The following LINGO2 variants were observed in gnomAD, a reference collection of about 807,000 sequenced individuals.
The protein encoded by LINGO2 is leucine-rich repeat and immunoglobulin-like domain-containing nogo receptor-interacting protein 2.
Under a neutral mutation model 30.6 loss-of-function variants are expected in LINGO2, and 14 were observed. That is an observed-to-expected ratio of 0.46 (90% CI 0.30 to 0.72). LINGO2 has a LOEUF of 0.72. Ranked by LOEUF, LINGO2 falls within the 30% of genes least tolerant of loss-of-function variation. The probability of loss-of-function intolerance (pLI) is 0.07; values close to 1 mark genes in which losing one functional copy is unlikely to be tolerated. For synonymous variants in LINGO2, 317 were observed against 288.5 expected, an observed-to-expected ratio of 1.10 and a Z score of -1.00; for missense variants, 729 against 751.7, an observed-to-expected ratio of 0.97 and a Z score of 0.35.
At chr9:27,940,822 TA>T in the LINGO2 span, 1 of 152,222 alleles carries the variant, frequency 6.6e-6, no homozygotes, top group African/African-American at 2.4e-5. Context: ...GCCACTGAGT[TA>T]AAAGTATGTT....
intron 2 of LINGO2, among the ~76,000 whole-genome samples, chr9:28,392,831 T>G (rs1821892812): frequency 6.6e-6 from 1 of 152,216 alleles, no homozygotes; most frequent in East Asian, 1.9e-4. Flanking sequence ...CTCCAAGGGT[T>G]TTAGAAGCTC....
intron 4 of LINGO2, among the ~76,000 whole-genome samples, chr9:28,051,215 G>C (rs1417803772): frequency 7.1e-6 from 1 of 140,996 alleles, no homozygotes; most frequent in Non-Finnish European, 1.5e-5. Flanking sequence ...CCATCAGCTA[G>C]TATAGTTTTC....
the LINGO2 span, among the ~76,000 whole-genome samples, chr9:28,710,966 AT>A: frequency 0.14 from 20,985 of 151,920 alleles, 1,644 homozygotes; most frequent in East Asian, 0.31. Context: ...TCAAGGAAAT[AT>A]GGTTTGGGGA....
chr9:28,900,085 C>G, the LINGO2 span, among the ~76,000 whole-genome samples: 1 of 152,116 alleles, frequency 6.6e-6, no homozygotes, highest in Non-Finnish European at 1.5e-5. Context: ...CTGGTCCTCA[C>G]GGCCCTAGGC....
At chr9:28,454,191 C>T (rs1824755248) in intron 2 of LINGO2, among the ~76,000 whole-genome samples, 1 of 152,022 alleles carries the variant, frequency 6.6e-6, no homozygotes, top group African/African-American at 2.4e-5. Flanking sequence ...TTTATTAACT[C>T]TCAGATTCTC....
chr9:28,206,385 A>C (rs1820411078), intron 4 of LINGO2, among the ~76,000 whole-genome samples: 2 of 152,086 alleles, frequency 1.3e-5, no homozygotes, highest in Admixed American at 6.6e-5. Context: ...AAAAAATATG[A>C]AAATGCCTAG....
At chr9:28,035,466 T>C (rs1227485866) in intron 4 of LINGO2, among the ~76,000 whole-genome samples, 1 of 152,252 alleles carries the variant, frequency 6.6e-6, no homozygotes, top group East Asian at 1.9e-4. Flanking sequence ...GCTTCTGGTA[T>C]GCTACAGTAT....
rs138320731 is a variant in LINGO2 at position 28,556,571 on chromosome 9, C to G, written c.-364-80546G>C. ...AATATCGTGAAAATGGCCATACTGC[C>G]TAAGGTCATTTACAGATTCAATGCC... is the stretch of plus-strand genomic sequence containing the variant. On this transcript the variant is annotated intron_variant, in intron 1 of 5. Transcript: ENST00000379992. Among the ~76,000 whole-genome samples, 1,460 of 152,178 alleles carry G rather than the reference C, an allele frequency of 9.6e-3. 25 individuals carry two copies. Among genetic ancestry groups the G allele is most frequent in the African/African-American group, 0.031 (1,283 of 41,524 alleles).
intron 4 of LINGO2, among the ~76,000 whole-genome samples, chr9:28,265,894 A>C (rs747570248): frequency 1.6e-4 from 25 of 152,110 alleles, no homozygotes; most frequent in Non-Finnish European, 2.7e-4. Context: ...AAAGGCTCAT[A>C]AACATAAACA....
chr9:28,378,024 A>G (rs1821196416), intron 2 of LINGO2, among the ~76,000 whole-genome samples: 1 of 152,196 alleles, frequency 6.6e-6, no homozygotes, highest in South Asian at 2.1e-4. Flanking sequence ...TATTTCATTC[A>G]CAACTCTTAA....
At chr9:29,001,636 G>T in the LINGO2 span, among the ~76,000 whole-genome samples, 36 of 152,042 alleles carry the variant, frequency 2.4e-4, no homozygotes, top group Middle Eastern at 0.01. Flanking sequence ...TTAGTTTGGT[G>T]CAAAAGTAAT....
At chr9:29,164,622 A>C in the LINGO2 span, among the ~76,000 whole-genome samples, 274 of 152,220 alleles carry the variant, frequency 1.8e-3, 1 homozygote, top group African/African-American at 6.3e-3. Flanking sequence ...GTAATTACGC[A>C]GTGCAGATTA....
the LINGO2 span, among the ~76,000 whole-genome samples, chr9:29,133,313 A>G: frequency 6.6e-6 from 1 of 152,202 alleles, no homozygotes; most frequent in Non-Finnish European, 1.5e-5. Context: ...GGGATGCTAT[A>G]CTACTTTATT....
At chr9:28,636,637 C>T (rs1312152551) in intron 1 of LINGO2, among the ~76,000 whole-genome samples, 2 of 152,116 alleles carry the variant, frequency 1.3e-5, no homozygotes, top group African/African-American at 4.8e-5. Context: ...TGAGAAGTGT[C>T]TGTTCATATC....
At chr9:29,106,508 C>A in the LINGO2 span, among the ~76,000 whole-genome samples, 4 of 151,988 alleles carry the variant, frequency 2.6e-5, no homozygotes, top group Non-Finnish European at 5.9e-5. Flanking sequence ...TTGTTATAAA[C>A]CAAGAATGAG....
intron 2 of LINGO2, among the ~76,000 whole-genome samples, chr9:28,416,357 C>T (rs1325956631): frequency 1.3e-5 from 2 of 152,126 alleles, no homozygotes; most frequent in Non-Finnish European, 2.9e-5. Flanking sequence ...CTATGGTTTT[C>T]TCTCCTTTGT....
At chr9:29,054,059 A>G in the LINGO2 span, among the ~76,000 whole-genome samples, 1 of 152,106 alleles carries the variant, frequency 6.6e-6, no homozygotes, top group Non-Finnish European at 1.5e-5. Flanking sequence ...AAATTTCTAG[A>G]AAAGTATTTA....
the LINGO2 span, among the ~76,000 whole-genome samples, chr9:28,823,408 T>G: frequency 6.6e-6 from 1 of 152,212 alleles, no homozygotes; most frequent in South Asian, 2.1e-4. Context: ...AAGATTACCA[T>G]AACGTATCTC....
At chr9:28,507,236 T>TGTGC (rs746568395) in intron 1 of LINGO2, among the ~76,000 whole-genome samples, 6 of 121,628 alleles carry the variant, frequency 4.9e-5, no homozygotes, top group African/African-American at 1.5e-4. Flanking sequence ...TGTGTGTGTG[T>TGTGC]GCGTGCGTGC....
Sources: allele counts gnomAD v4.1 joint callset (sites outside exome capture counted in the v4.1 genomes callset), GRCh38; gene constraint gnomAD v4.1.1; transcripts MANE v1.5; gene names NCBI Gene and HGNC (gene_info 2026-07-23, HGNC 2026-07-21).